Variants in ADD2 observed in about 807,000 individuals in gnomAD.
ADD2 encodes adducin 2.
Under a neutral mutation model 83.0 loss-of-function variants are expected in ADD2, and 23 were observed. The observed-to-expected ratio is 0.28, with a 90% CI of 0.20 to 0.39. The LOEUF (loss-of-function observed/expected upper bound fraction) is 0.39, where lower values mean the gene tolerates loss of function less well. Among genes scored for constraint, ADD2 ranks in the 10% least tolerant of loss-of-function variants. The pLI is 1.00. For synonymous variants in ADD2, 375 were observed against 375.4 expected, an observed-to-expected ratio of 1.00 and a Z score of 0.01; for missense variants, 758 against 944.9, an observed-to-expected ratio of 0.80 and a Z score of 2.59.
In ADD2 at chr2:70,706,512, C is replaced by T; in HGVS notation, c.-34-70G>A. ...ATCGGGGTACACGTTTCTCAGAGCA[C>T]AGGGCTAGGTTCAGTTGGATTCTCA... is the stretch of plus-strand genomic sequence containing the variant. On this transcript the variant is annotated intron_variant, in intron 2 of 15. Transcript: ENST00000264436. The surrounding 1 kb of genome is among the most constrained non-coding windows in gnomAD (Gnocchi z 5.0). The T allele has an allele frequency of 7.2e-7, 1 of 1,379,702 alleles. No individual in the cohort carries two copies. The highest frequency in any genetic ancestry group is 9.8e-7 in the Non-Finnish European group (1 of 1,021,486). 85.5% of individuals were successfully genotyped at this position (1,379,702 alleles called of 1,614,324 possible).
At chr2:70,691,908 T>C (rs1475310003) in intron 7 of ADD2, 1 of 152,400 alleles carries the variant, frequency 6.6e-6, no homozygotes, top group East Asian at 1.9e-4. Context: ...GACATCGCAG[T>C]GTCTTAGGTA....
chr2:70,702,205 C>G (rs930495255), intron 4 of ADD2, among the ~76,000 whole-genome samples: 2 of 152,182 alleles, frequency 1.3e-5, no homozygotes, highest in Non-Finnish European at 2.9e-5. Flanking sequence ...CTTGCTCTGT[C>G]ACTCAGACTG....
rs1675507178 is a variant in ADD2 at position 70,660,602 on chromosome 2, C to T, written c.*2823G>A. ...AGTCTAGCTCCTCCACACTTCCTAC[C>T]AGTTTCCTTAGGATTCAGCCCTGCC... is the stretch of plus-strand genomic sequence containing the variant. On this transcript the variant is annotated 3_prime_UTR_variant, in exon 16 of 16. Coordinates refer to ENST00000264436, the MANE Select transcript of ADD2 (RefSeq NM_001617.4). 1 of 152,310 alleles carries T rather than the reference C, an allele frequency of 6.6e-6. No homozygotes were observed. Among genetic ancestry groups the T allele is most frequent in the African/African-American group, 2.4e-5 (1 of 41,428 alleles). 9.4% of individuals were successfully genotyped at this position (152,310 alleles called of 1,614,324 possible). A position where few individuals can be genotyped will look rare whatever the true frequency, so the allele number is the denominator to read the frequency against.
intron 4 of ADD2, 142 bp downstream of exon 4, chr2:70,704,179 T>G: frequency 1.9e-6 from 2 of 1,080,762 alleles, no homozygotes; most frequent in East Asian, 2.7e-5. Flanking sequence ...TGGCTGCTGC[T>G]GAGCTCCCCA....
At chr2:70,739,537 A>G (rs1558571425) in intron 1 of ADD2, among the ~76,000 whole-genome samples, 1 of 152,238 alleles carries the variant, frequency 6.6e-6, no homozygotes, top group Non-Finnish European at 1.5e-5. Context: ...ACTGTTATGT[A>G]CCCAAAGGAA....
chr2:70,760,124 C>T (rs1553384582), intron 1 of ADD2, among the ~76,000 whole-genome samples: 1 of 152,188 alleles, frequency 6.6e-6, no homozygotes, highest in East Asian at 1.9e-4. Flanking sequence ...AAACTCAAAT[C>T]GATGTTTTCC....
Position 70,663,422 on chromosome 2 carries a change from G to A in ADD2, c.*3C>T. 1.2e-6 allele frequency: 2 copies of A among 1,610,822 alleles called. No individual in the cohort carries two copies. Among genetic ancestry groups the A allele is most frequent in the Non-Finnish European group, 1.7e-6 (2 of 1,178,420 alleles). On this transcript the variant is annotated 3_prime_UTR_variant, in exon 16 of 16. Transcript: ENST00000264436. ...GCAGGAGGGAGCCCAAGGGTGTCAT[G>A]AATCAGGACTCCACTTTCTCCTTCT...
Position 70,671,506 on chromosome 2 carries a change from A to C in ADD2, c.1870+1372T>G, listed in dbSNP as rs563333193. ...GAAATCTATTTCTTTTGAAAAAAAA[A>C]ATCCTCCCTCCCCCATTGCAAGGGT... On this transcript the variant is annotated intron_variant, in intron 15 of 15. Coordinates refer to ENST00000264436, the MANE Select transcript of ADD2 (RefSeq NM_001617.4). 2.0e-5 allele frequency among the ~76,000 whole-genome samples: 3 copies of C among 152,192 alleles called. No individual in the cohort carries two copies. The South Asian group carries it at 6.2e-4, about 32-fold the overall frequency.
intron 15 of ADD2, among the ~76,000 whole-genome samples, chr2:70,671,073 C>T (rs1455208085): frequency 6.6e-6 from 1 of 152,180 alleles, no homozygotes; most frequent in Non-Finnish European, 1.5e-5. Context: ...CCTGGATTTC[C>T]TTCCTGCAGC....
At chr2:70,757,227 G>T (rs974491452) in intron 1 of ADD2, among the ~76,000 whole-genome samples, 5 of 151,812 alleles carry the variant, frequency 3.3e-5, no homozygotes, top group Admixed American at 6.6e-5. Context: ...GGATACAGAG[G>T]TATCTACAGC....
chr2:70,726,958 C>A (rs915557894), intron 1 of ADD2, among the ~76,000 whole-genome samples: 1 of 152,208 alleles, frequency 6.6e-6, no homozygotes, highest in African/African-American at 2.4e-5. Flanking sequence ...ACAATGCACA[C>A]AGGGTTATAT....
chr2:70,708,919 G>A (rs1168830190), intron 2 of ADD2, among the ~76,000 whole-genome samples: 2 of 152,140 alleles, frequency 1.3e-5, no homozygotes, highest in African/African-American at 4.8e-5. Context: ...AGTCATTTCT[G>A]TATCTCACTT....
chr2:70,714,123 C>T (rs1672341747), intron 1 of ADD2, among the ~76,000 whole-genome samples: 1 of 152,070 alleles, frequency 6.6e-6, no homozygotes, highest in African/African-American at 2.4e-5. Flanking sequence ...TCCAAAACTC[C>T]TAGGAATCAA....
chr2:70,676,512 A>T lies in ADD2; in HGVS notation c.1593+284T>A. The T allele has an allele frequency of 2.2e-6, 3 of 1,374,834 alleles. No individual in the cohort carries two copies. Among genetic ancestry groups the T allele is most frequent in the Non-Finnish European group, 2.8e-6 (3 of 1,060,658 alleles). 85.2% of individuals were successfully genotyped at this position (1,374,834 alleles called of 1,614,324 possible). On this transcript the variant is annotated intron_variant, in intron 13 of 15. Transcript: ENST00000264436. The surrounding 1 kb of genome is among the most constrained non-coding windows in gnomAD (Gnocchi z 4.8). ...GGGGTAGTAAGGGAGGACAGAGTGGAGTTCCATGGCAGGAGGTACGGAAGC... is the reference window on the plus strand; with the variant it reads ...GGGGTAGTAAGGGAGGACAGAGTGGTGTTCCATGGCAGGAGGTACGGAAGC...
At chr2:70,725,957 G>A (rs1672973028) in intron 1 of ADD2, among the ~76,000 whole-genome samples, 1 of 151,988 alleles carries the variant, frequency 6.6e-6, no homozygotes, top group South Asian at 2.1e-4. Flanking sequence ...GGAGGCCAAG[G>A]CGGGCGGATC....
At position 70,711,474 on chromosome 2, in the gene ADD2, T is replaced by C. The variant is rs900625299; in HGVS notation, c.-35+1592A>G. ...CAAAGTGGGGAGAGGGGCTAGAGAT[T>C]GAGTCCAGACAAGTGGCAAATGATT... On this transcript the variant is annotated intron_variant, in intron 2 of 15. Coordinates refer to ENST00000264436, the MANE Select transcript of ADD2 (RefSeq NM_001617.4). 6.6e-5 allele frequency among the ~76,000 whole-genome samples: 10 copies of C among 152,228 alleles called. 1 individual carries two copies. In the South Asian group the frequency reaches 2.1e-3, roughly 32 times the overall value.
rs1675591464 is a variant in ADD2, at chr2:70,662,874, A to C, written c.*551T>G. On this transcript the variant is annotated 3_prime_UTR_variant, in exon 16 of 16. Coordinates refer to ENST00000264436, the MANE Select transcript of ADD2 (RefSeq NM_001617.4). The stretch of plus-strand genomic sequence containing the variant: ...CTAAGCCATCAGCCCTTGGGAACAA[A>C]GATTACTTTCTGTTGGAGGGGTCAA... The C allele has an allele frequency of 6.5e-6, 1 of 153,998 alleles. No individual in the cohort carries two copies. Among genetic ancestry groups the C allele is most frequent in the South Asian group, 2.0e-4 (1 of 4,896 alleles). The allele number at this position is 153,998 out of a possible 1,614,324, so 9.5% of individuals were successfully genotyped here.
At chr2:70,767,480 G>A (rs1292222197) in intron 1 of ADD2, 1 of 324,060 alleles carries the variant, frequency 3.1e-6, no homozygotes, top group African/African-American at 2.2e-5. Flanking sequence ...CTACCCCGGA[G>A]GGCGGCGGCC....
intron 1 of ADD2, among the ~76,000 whole-genome samples, chr2:70,746,954 G>A (rs887130179): frequency 1.3e-5 from 2 of 151,332 alleles, no homozygotes; most frequent in Non-Finnish European, 2.9e-5. Context: ...CTGAGAGACA[G>A]CAAAGATTTA....
Sources: gnomAD v4.1 joint callset for allele counts (sites outside exome capture counted in the v4.1 genomes callset) on GRCh38, gnomAD v4.1.1 for gene constraint, Gnocchi (gnomAD v3.1) non-coding constraint, MANE v1.5 for transcripts, NCBI Gene and HGNC (gene_info 2026-07-23, HGNC 2026-07-21) for gene names.